Variants in ACTN4 observed in about 807,000 individuals in gnomAD.
The protein encoded by ACTN4 is alpha-actinin-4.
In ACTN4, 18 loss-of-function variants were observed where a neutral mutation model predicts 114.2. The observed-to-expected ratio is 0.16, with a 90% confidence interval of 0.11 to 0.23. The LOEUF is 0.23. ACTN4 is among the 10% of genes least tolerant of loss of function. ACTN4 has a pLI of 1.00. For missense variants in ACTN4, 722 were observed against 1,262.9 expected, an observed-to-expected ratio of 0.57 and a Z score of 6.49; for synonymous variants, 515 against 506.3, an observed-to-expected ratio of 1.02 and a Z score of -0.23.
At chr19:38,704,076 G>T (rs546660679) in intron 3 of ACTN4, among the ~76,000 whole-genome samples, 1 of 152,216 alleles carries the variant, frequency 6.6e-6, no homozygotes, top group African/African-American at 2.4e-5. Flanking sequence ...ACTTTGGGAG[G>T]CCAAGGCAGG....
At chr19:38,667,847 C>A (rs1967011775) in intron 1 of ACTN4, among the ~76,000 whole-genome samples, 1 of 152,040 alleles carries the variant, frequency 6.6e-6, no homozygotes, top group South Asian at 2.1e-4. Context: ...TGTCATTTTT[C>A]CTCTGGCTGG....
intron 1 of ACTN4, among the ~76,000 whole-genome samples, chr19:38,693,157 G>A (rs1040266693): frequency 6.6e-6 from 1 of 151,980 alleles, no homozygotes; most frequent in Non-Finnish European, 1.5e-5. Context: ...CTAAAATCTT[G>A]TCAAGCGTGG....
rs1218257585 is a variant in ACTN4, at chr19:38,673,659, AT to A, written c.162+25753del. 3.9e-4 allele frequency among the ~76,000 whole-genome samples: 6 copies of A among 15,268 alleles called. 1 individual carries two copies. The allele number at this position is 15,268 out of a possible 152,430, so 10.0% of individuals were successfully genotyped here. On this transcript the variant is annotated intron_variant, in intron 1 of 20. Transcript: ENST00000252699. ...TATTTATATATATTTATATATTTAT[AT>A]ATATTATATATATTTATATATTTAT...
intron 11 of ACTN4, 192 bp downstream of exon 11, chr19:38,718,266 C>A: frequency 1.0e-6 from 1 of 985,848 alleles, no homozygotes; most frequent in Non-Finnish European, 1.5e-6. Flanking sequence ...GTGGCTCACA[C>A]CTGTAATCCC....
chr19:38,666,371 T>G (rs886093269), intron 1 of ACTN4, among the ~76,000 whole-genome samples: 2 of 151,854 alleles, frequency 1.3e-5, no homozygotes, highest in Non-Finnish European at 2.9e-5. Context: ...GGGCTGGGGG[T>G]GGGGCGGTGC....
Position 38,701,774 on chromosome 19 carries a change from G to A in ACTN4, c.397+653G>A, listed in dbSNP as rs559875286. Reference sequence around the variant, plus strand: ...CTCCCAGGCGCTTTTAGAGACAGGCGAGGCCTGATGGAGCCCCAGCAGCAT... The same window carrying A: ...CTCCCAGGCGCTTTTAGAGACAGGCAAGGCCTGATGGAGCCCCAGCAGCAT... On this transcript the variant is annotated intron_variant, in intron 3 of 20. Coordinates refer to ENST00000252699, the MANE Select transcript of ACTN4 (RefSeq NM_004924.6). 2.3e-4 allele frequency among the ~76,000 whole-genome samples: 35 copies of A among 152,350 alleles called. No homozygotes were observed. In the South Asian group the frequency reaches 5.2e-3, roughly 23 times the overall value.
intron 2 of ACTN4, 106 bp downstream of exon 2, chr19:38,700,820 G>A: frequency 7.3e-7 from 1 of 1,378,546 alleles, no homozygotes; most frequent in Non-Finnish European, 1.0e-6. Flanking sequence ...TCCTGGGGAG[G>A]AGAGGGCACC....
intron 1 of ACTN4, among the ~76,000 whole-genome samples, chr19:38,673,442 T>TATATATATATATTC (rs1178928047): frequency 2.1e-5 from 2 of 95,946 alleles, no homozygotes; most frequent in East Asian, 3.1e-4. Context: ...TTTTATTTTT[T>TATATATATATATTC]ATATATATAT....
rs541876198 is a variant in ACTN4, at chr19:38,658,950, T to TC, written c.162+11043_162+11044insC. Among the ~76,000 whole-genome samples, 607 of 152,286 alleles carry TC rather than the reference T, an allele frequency of 4.0e-3. 10 individuals are homozygous for TC. Among genetic ancestry groups the TC allele is most frequent in the African/African-American group, 0.014 (587 of 41,568 alleles). On this transcript the variant is annotated intron_variant, in intron 1 of 20. Coordinates refer to ENST00000252699, the MANE Select transcript of ACTN4 (RefSeq NM_004924.6). ...TGTCGGCTATAATCACCCGACACTG[T>TC]GTCTCATGGTGGGGTGAGATGAAAT...
intron 1 of ACTN4, among the ~76,000 whole-genome samples, chr19:38,687,768 T>C (rs1020779997): frequency 6.6e-6 from 1 of 152,046 alleles, no homozygotes; most frequent in African/African-American, 2.4e-5. Flanking sequence ...CGAAGAAAAA[T>C]AGATAAATCA....
chr19:38,648,178 G>T, intron 1 of ACTN4: 1 of 356,406 alleles, frequency 2.8e-6, no homozygotes, highest in Non-Finnish European at 5.1e-6. Context: ...AGGATTTGGA[G>T]GGTCTGGGCG....
intron 1 of ACTN4, among the ~76,000 whole-genome samples, chr19:38,652,276 C>A (rs953704542): frequency 1.3e-5 from 2 of 152,054 alleles, no homozygotes; most frequent in African/African-American, 4.8e-5. Flanking sequence ...CTCTGTTTGC[C>A]CTCTTGTAAG....
intron 1 of ACTN4, among the ~76,000 whole-genome samples, chr19:38,680,848 G>A (rs1398822876): frequency 1.3e-5 from 2 of 152,030 alleles, no homozygotes; most frequent in African/African-American, 4.8e-5. Flanking sequence ...AGTCTTGGCC[G>A]GGTGCGGTGG....
At chr19:38,655,999 C>T (rs1009954370) in intron 1 of ACTN4, among the ~76,000 whole-genome samples, 1 of 152,168 alleles carries the variant, frequency 6.6e-6, no homozygotes, top group African/African-American at 2.4e-5. Context: ...TATTTTCGAT[C>T]CATTGTTGGT....
intron 1 of ACTN4, among the ~76,000 whole-genome samples, chr19:38,659,277 T>C (rs1260814424): frequency 3.9e-5 from 6 of 151,958 alleles, no homozygotes; most frequent in Admixed American, 3.3e-4. Context: ...GCCAGGCTGG[T>C]CTTGAACCCT....
At position 38,725,817 on chromosome 19, in the gene ACTN4, C is replaced by T. The variant is rs1969214128; in HGVS notation, c.2104C>T (p.Pro702Ser). The T allele has an allele frequency of 6.2e-7, 1 of 1,614,188 alleles. No homozygotes were observed. The highest frequency in any genetic ancestry group is 8.5e-7 in the Non-Finnish European group (1 of 1,180,050). The change falls in exon 17 of 21, where the codon CCC (proline) becomes TCC (serine). Residue 702 changes from proline (P) to serine (S), a missense_variant. Pro to Ser is a moderately conservative substitution (Grantham distance 74, BLOSUM62 -1). Around this residue, in one of 3 missense-constraint regions of ACTN4, gnomAD observed 523 missense variants for 875.9 expected, o/e 0.60. Transcript: ENST00000252699. ...QYERSIVDYK[P>S]NLDLLEQQHQ... is the part of the protein sequence containing the mutation. ...TGAACGCAGCATCGTGGACTACAAGCCCAACCTGGACCTGCTGGAGCAGCA... is the reference window on the plus strand; with the variant it reads ...TGAACGCAGCATCGTGGACTACAAGTCCAACCTGGACCTGCTGGAGCAGCA...
intron 3 of ACTN4, among the ~76,000 whole-genome samples, chr19:38,701,816 C>A (rs1367270345): frequency 2.0e-5 from 3 of 152,254 alleles, no homozygotes; most frequent in Non-Finnish European, 2.9e-5. Flanking sequence ...GCAGTCCACT[C>A]ATTAGTCAGA....
intron 9 of ACTN4, among the ~76,000 whole-genome samples, chr19:38,716,166 A>G (rs1033831107): frequency 1.3e-5 from 2 of 152,196 alleles, no homozygotes; most frequent in African/African-American, 2.4e-5. Flanking sequence ...CAGCCTCCCA[A>G]AGTGCTGGGA....
Position 38,731,043 on chromosome 19 carries a change from G to T in ACTN4, c.*1611G>T, listed in dbSNP as rs1485861876. 9 of 1,557,646 alleles carry T rather than the reference G, an allele frequency of 5.8e-6. No individual in the cohort carries two copies. The East Asian group carries it at 7.3e-5, about 13-fold the overall frequency. On this transcript the variant is annotated 3_prime_UTR_variant, in exon 21 of 21. Transcript: ENST00000252699. ...AGTGGCCTGTGCAGAGAGGGGCAGG[G>T]TGAGTGCCCACCAGTCCCCGTACCC...
Sources: gnomAD v4.1 joint callset for allele counts (sites outside exome capture counted in the v4.1 genomes callset) on GRCh38, gnomAD v4.1.1 for gene constraint, gnomAD v4.1.1 regional missense constraint, MANE v1.5 for transcripts, NCBI Gene and HGNC (gene_info 2026-07-23, HGNC 2026-07-21) for gene names.